PDIA5: variants seen among roughly 807,000 people sequenced by gnomAD.
The protein encoded by PDIA5 is protein disulfide isomerase family A member 5.
Under a neutral mutation model 77.6 loss-of-function variants are expected in PDIA5, and 58 were observed. That is an observed-to-expected ratio of 0.75 (90% CI 0.61 to 0.93). The LOEUF (loss-of-function observed/expected upper bound fraction) is 0.93. Among genes scored for constraint, PDIA5 ranks in the 40% least tolerant of loss-of-function variants. PDIA5 has a pLI of 0.00. For synonymous variants in PDIA5, 250 were observed against 252.1 expected (o/e 0.99, Z 0.08); for missense variants, 630 against 647.7 (o/e 0.97, Z 0.30).
intron 7 of PDIA5, among the ~76,000 whole-genome samples, chr3:123,112,862 C>T (rs992608542): frequency 1.3e-5 from 2 of 152,050 alleles, no homozygotes; most frequent in African/African-American, 4.8e-5. Flanking sequence ...GCCCGGCCCC[C>T]CAAGCCCTGT....
intron 1 of PDIA5, among the ~76,000 whole-genome samples, chr3:123,077,323 A>C (rs1243630522): frequency 6.6e-6 from 1 of 152,222 alleles, no homozygotes; most frequent in Non-Finnish European, 1.5e-5. Flanking sequence ...TGAACTGCTT[A>C]GCTCACTGCT....
At chr3:123,135,127 C>T (rs1193157544) in intron 11 of PDIA5, among the ~76,000 whole-genome samples, 2 of 152,172 alleles carry the variant, frequency 1.3e-5, no homozygotes, top group Non-Finnish European at 2.9e-5. Context: ...TTTTCTGCGG[C>T]GTTCCATATG....
chr3:123,084,403 T>C (rs949492442), intron 1 of PDIA5, among the ~76,000 whole-genome samples: 6 of 151,710 alleles, frequency 4.0e-5, no homozygotes, highest in South Asian at 4.2e-4. Flanking sequence ...TGTGGATCAC[T>C]CTCTTTTCTT....
chr3:123,128,011 C>T (rs1316788433), intron 10 of PDIA5, among the ~76,000 whole-genome samples: 1 of 152,156 alleles, frequency 6.6e-6, no homozygotes, highest in Non-Finnish European at 1.5e-5. Flanking sequence ...TGGGTTCAGA[C>T]TCTCACTCAG....
At position 123,116,296 on chromosome 3, in the gene PDIA5, G is replaced by A. The variant is rs199589843; in HGVS notation, c.607G>A (p.Ala203Thr). 195 of 1,612,402 alleles carry A rather than the reference G, an allele frequency of 1.2e-4. No individual in the cohort carries two copies. The highest frequency in any genetic ancestry group is 1.5e-4 in the Non-Finnish European group (174 of 1,179,348). Residue 203 changes from alanine (A) to threonine (T), a missense_variant and splice_region_variant, in exon 8 of 17, where the codon GCC (alanine) becomes ACC (threonine). Coordinates refer to ENST00000316218, the MANE Select transcript of PDIA5 (RefSeq NM_006810.4). The part of the protein sequence containing the change: ...QKAATQLRGH[A>T]VLAGMNVYSS... Reference sequence around the variant, plus strand: ...GGCTGCGACTCAGCTGCGAGGCCACGCCGTAAGTGAGGCGCCATTGCCTGG... The same window carrying A: ...GGCTGCGACTCAGCTGCGAGGCCACACCGTAAGTGAGGCGCCATTGCCTGG...
intron 13 of PDIA5, among the ~76,000 whole-genome samples, 167 bp from the exon 14 acceptor site, chr3:123,150,067 A>G (rs925716979): frequency 1.3e-5 from 2 of 152,294 alleles, no homozygotes; most frequent in East Asian, 1.9e-4. Context: ...CTGGTGGCAC[A>G]GATTTGTTTG....
Position 123,145,572 on chromosome 3 carries a change from G to C in PDIA5, c.961G>C (p.Ala321Pro), listed in dbSNP as rs1291077799. 20 of 1,613,716 alleles carry C rather than the reference G, an allele frequency of 1.2e-5. No homozygotes were observed. The highest frequency in any genetic ancestry group is 1.6e-5 in the Non-Finnish European group (19 of 1,179,612). Residue 321 changes from alanine to proline, a missense_variant, in exon 12 of 17, where the codon GCC (alanine) becomes CCC (proline). Transcript: ENST00000316218. ...MKPEFEKAAE[A>P]LHGEADSSGV... ...GCCGGAGTTTGAGAAGGCAGCAGAA[G>C]CCCTCCATGGAGAAGCGGATGTAAG...
At chr3:123,137,943 C>T (rs1935539972) in intron 11 of PDIA5, among the ~76,000 whole-genome samples, 1 of 151,842 alleles carries the variant, frequency 6.6e-6, no homozygotes, top group Non-Finnish European at 1.5e-5. Flanking sequence ...GTCTATTGTG[C>T]CAGGTGGGAG....
chr3:123,103,323 G>A (rs1934648935), intron 5 of PDIA5, among the ~76,000 whole-genome samples: 1 of 152,206 alleles, frequency 6.6e-6, no homozygotes, highest in African/African-American at 2.4e-5. Context: ...TACATGCTTT[G>A]TAATCACAAA....
rs1935665459 is a variant in PDIA5, at chr3:123,142,562, A to G, written c.911-2960A>G. 3.3e-5 allele frequency among the ~76,000 whole-genome samples: 5 copies of G among 152,364 alleles called. No individual in the cohort carries two copies. In the South Asian group the frequency reaches 8.3e-4, roughly 25 times the overall value. ...AGTCAGACCGTGAACTCCCAAAGTC[A>G]TCTAACCCTATGTGCATTTTTCTGG... On this transcript the variant is annotated intron_variant, in intron 11 of 16. Transcript: ENST00000316218.
rs553669917 is a variant in PDIA5 at position 123,076,112 on chromosome 3, G to C, written c.42+8906G>C. Among the ~76,000 whole-genome samples, 3 of 152,286 alleles carry C rather than the reference G, an allele frequency of 2.0e-5. No individual in the cohort carries two copies. The East Asian group carries it at 5.8e-4, about 29-fold the overall frequency. ...CAGGTCACGCTCAATAGCTGGATTG[G>C]AAGGGACAGCAGACTTGCCAGCCTC... On this transcript the variant is annotated intron_variant, in intron 1 of 16. Transcript: ENST00000316218.
chr3:123,121,764 C>T (rs1935127804), intron 8 of PDIA5, among the ~76,000 whole-genome samples: 1 of 152,186 alleles, frequency 6.6e-6, no homozygotes, highest in Non-Finnish European at 1.5e-5. Context: ...GTCCTAGTAA[C>T]AAAAATAGCT....
At chr3:123,161,808 G>T (rs909152290) in intron 16 of PDIA5, 72 bp from the exon 17 acceptor site, 1 of 994,036 alleles carries the variant, frequency 1.0e-6, no homozygotes, top group East Asian at 2.4e-5. Context: ...CTGGGGGTGT[G>T]GGGAGAGAGA....
At chr3:123,107,721 G>A (rs1441417369) in intron 6 of PDIA5, among the ~76,000 whole-genome samples, 2 of 152,180 alleles carry the variant, frequency 1.3e-5, no homozygotes, top group Non-Finnish European at 2.9e-5. Flanking sequence ...TAGAGGGAGA[G>A]GGTTCATTCC....
chr3:123,125,174 GCT>G (rs1935214189), intron 10 of PDIA5, among the ~76,000 whole-genome samples: 1 of 152,158 alleles, frequency 6.6e-6, no homozygotes, highest in Non-Finnish European at 1.5e-5. Context: ...CTCAGGCTGC[GCT>G]CTGTGTGTCA....
intron 10 of PDIA5, among the ~76,000 whole-genome samples, chr3:123,127,823 C>T (rs1416766682): frequency 1.3e-5 from 2 of 152,184 alleles, no homozygotes; most frequent in Non-Finnish European, 2.9e-5. Flanking sequence ...AGCCATTTTT[C>T]CCTGAATGAG....
At chr3:123,135,881 T>C (rs1014938836) in intron 11 of PDIA5, among the ~76,000 whole-genome samples, 1 of 149,974 alleles carries the variant, frequency 6.7e-6, no homozygotes, top group Non-Finnish European at 1.5e-5. Flanking sequence ...TTTAATCACA[T>C]GTATAGATTT....
intron 3 of PDIA5, 109 bp from the exon 4 acceptor site, chr3:123,102,302 A>G (rs926135326): frequency 5.0e-6 from 4 of 795,810 alleles, no homozygotes; most frequent in African/African-American, 3.4e-5. Context: ...TCTGCTATTG[A>G]GAATTCCAAG....
chr3:123,111,395 T>TG (rs1331891431), intron 7 of PDIA5, among the ~76,000 whole-genome samples: 1 of 152,228 alleles, frequency 6.6e-6, no homozygotes, highest in African/African-American at 2.4e-5. Flanking sequence ...GGCCCGCCTC[T>TG]GGGGGCAACA....
Sources: gnomAD v4.1 joint callset for allele counts (sites outside exome capture counted in the v4.1 genomes callset) on GRCh38, gnomAD v4.1.1 for gene constraint, MANE v1.5 for transcripts, NCBI Gene and HGNC (gene_info 2026-07-23, HGNC 2026-07-21) for gene names.